Variants in WDHD1 observed in about 807,000 individuals in gnomAD.
WDHD1 encodes the protein WD repeat and HMG-box DNA binding protein 1.
WDHD1 carries 111 observed loss-of-function variants against 135.4 expected under a neutral mutation model. The ratio of observed to expected loss-of-function variants is 0.82; its 90% CI spans 0.70 to 0.96. WDHD1 has a LOEUF of 0.96. Ranked by LOEUF, WDHD1 falls within the 40% of genes least tolerant of loss-of-function variation. The pLI is 0.00. For missense variants in WDHD1, 1,351 were observed against 1,336.3 expected (o/e 1.01, Z -0.17); for synonymous variants, 434 against 439.0 (o/e 0.99, Z 0.14).
chr14:55,027,086 T>C lies in WDHD1; in HGVS notation c.-75A>G, dbSNP rs1042123743. ...CAAGAGCTGCTTCCCGCGCTTCGGC[T>C]CGCTCACCACACTGCGCCTGCGCCG... On this transcript the variant is annotated 5_prime_UTR_variant, in exon 1 of 26. Transcript: ENST00000360586. 8 of 388,924 alleles carry C rather than the reference T, an allele frequency of 2.1e-5. No homozygotes were observed. In the Admixed American group the frequency reaches 2.5e-4, roughly 12 times the overall value. 24.1% of individuals were successfully genotyped at this position (388,924 alleles called of 1,614,324 possible).
At chr14:54,945,027 G>A (rs1595051369) in intron 24 of WDHD1, among the ~76,000 whole-genome samples, 1 of 152,172 alleles carries the variant, frequency 6.6e-6, no homozygotes. Context: ...CATGAACTCT[G>A]TACTTTCAAC....
intron 16 of WDHD1, among the ~76,000 whole-genome samples, chr14:54,978,359 G>A (rs1057424532): frequency 6.6e-6 from 1 of 152,198 alleles, no homozygotes; most frequent in East Asian, 1.9e-4. Context: ...GATGCAAGAG[G>A]ATCAGTTGAG....
chr14:55,012,537 A>C (rs1354104767), intron 3 of WDHD1, among the ~76,000 whole-genome samples: 1 of 152,198 alleles, frequency 6.6e-6, no homozygotes, highest in East Asian at 1.9e-4. Flanking sequence ...TTCTAGAACA[A>C]TTCCTTAAGT....
At chr14:54,945,377 A>G (rs1566701768) in intron 24 of WDHD1, among the ~76,000 whole-genome samples, 1 of 152,230 alleles carries the variant, frequency 6.6e-6, no homozygotes, top group Admixed American at 6.5e-5. Flanking sequence ...CTTTATGTAT[A>G]GTACCTCATT....
Position 54,991,227 on chromosome 14 carries a change from T to G in WDHD1, c.1327A>C (p.Thr443Pro). The G allele has an allele frequency of 1.5e-4, 216 of 1,404,306 alleles. No homozygotes were observed. Among genetic ancestry groups the G allele is most frequent in the Non-Finnish European group, 1.9e-4 (203 of 1,058,592 alleles). 87.0% of individuals were successfully genotyped at this position (1,404,306 alleles called of 1,614,324 possible). A position where few individuals can be genotyped will look rare whatever the true frequency, so the allele number is the denominator to read the frequency against. ...FQSGSTPLHL[T>P]HRFMVWNSIG... ...CCAAGTCTTACCATGAATCTGTGAGTGAGATGCAACGGTGTAGAACCTGAC... is the reference window on the plus strand; with the variant it reads ...CCAAGTCTTACCATGAATCTGTGAGGGAGATGCAACGGTGTAGAACCTGAC... Residue 443 changes from threonine to proline, a missense_variant, in exon 12 of 26, where the codon ACT becomes CCT. This residue lies in a region of WDHD1 where 1,330 missense variants were observed against 1,296.1 expected (regional missense o/e 1.03). Coordinates refer to ENST00000360586, the MANE Select transcript of WDHD1 (RefSeq NM_007086.4).
chr14:55,019,386 T>C (rs112035792), intron 2 of WDHD1, among the ~76,000 whole-genome samples: 2 of 152,342 alleles, frequency 1.3e-5, no homozygotes, highest in African/African-American at 4.8e-5. Flanking sequence ...TTTTCAAAAC[T>C]ATTGGCATAA....
intron 11 of WDHD1, among the ~76,000 whole-genome samples, chr14:54,994,471 G>A (rs1194538438): frequency 6.6e-6 from 1 of 151,958 alleles, no homozygotes; most frequent in Admixed American, 6.6e-5. Context: ...ATAATATAGT[G>A]CATTTAAAAT....
At chr14:55,006,265 C>T (rs543931559) in intron 7 of WDHD1, among the ~76,000 whole-genome samples, 1 of 152,268 alleles carries the variant, frequency 6.6e-6, no homozygotes, top group African/African-American at 2.4e-5. Context: ...ATATATGTTT[C>T]TATTTATCCA....
At chr14:55,003,461 A>C (rs1034641896) in intron 7 of WDHD1, among the ~76,000 whole-genome samples, 2 of 151,896 alleles carry the variant, frequency 1.3e-5, no homozygotes, top group African/African-American at 2.4e-5. Flanking sequence ...GTTGCAGTGA[A>C]TCGTGATCAT....
At position 54,963,043 on chromosome 14, in the gene WDHD1, C is replaced by T. The variant is rs753345230; in HGVS notation, c.2440G>A (p.Glu814Lys). The T allele has an allele frequency of 5.1e-5, 83 of 1,613,842 alleles. No homozygotes were observed. The highest frequency in any genetic ancestry group is 6.5e-5 in the Non-Finnish European group (77 of 1,180,022). Residue 814 changes from glutamate (E) to lysine (K), a missense_variant, in exon 19 of 26, where the codon GAA (glutamate) becomes AAA (lysine). By Grantham distance (56) the Glu-to-Lys change is moderately conservative. Around this residue, in one of 2 missense-constraint regions of WDHD1, gnomAD observed 1,330 missense variants for 1,296.1 expected, o/e 1.03. Coordinates refer to ENST00000360586, the MANE Select transcript of WDHD1 (RefSeq NM_007086.4). ...RKLILAQKLSELAVEKAAELT... is the reference protein window; with the variant it reads ...RKLILAQKLSKLAVEKAAELT... ...TCGGCTGCCTTCTCTACAGCCAGTT[C>T]ACTTAGTTTTTGAGCCAGTATTAAT...
intron 16 of WDHD1, among the ~76,000 whole-genome samples, chr14:54,980,954 C>CA (rs1421896735): frequency 1.3e-5 from 2 of 151,678 alleles, no homozygotes; most frequent in Admixed American, 6.6e-5. Flanking sequence ...ACTAAAAATA[C>CA]AAAAAAATCA....
At chr14:54,944,991 C>T (rs768312915) in intron 24 of WDHD1, among the ~76,000 whole-genome samples, 18 of 152,180 alleles carry the variant, frequency 1.2e-4, no homozygotes, top group Non-Finnish European at 2.1e-4. Context: ...GGATCACTCA[C>T]GTTTGTATTT....
At chr14:54,959,049 C>T (rs2041205991) in intron 21 of WDHD1, among the ~76,000 whole-genome samples, 1 of 152,122 alleles carries the variant, frequency 6.6e-6, no homozygotes, top group African/African-American at 2.4e-5. Flanking sequence ...CACTCAAGTA[C>T]TCAAGCCAGT....
intron 8 of WDHD1, 21 bp downstream of exon 8, chr14:55,002,072 G>A: frequency 1.3e-6 from 2 of 1,544,040 alleles, no homozygotes; most frequent in Non-Finnish European, 1.8e-6. Flanking sequence ...CCCACTGAAA[G>A]TGTCACTTTG....
intron 24 of WDHD1, 50 bp from the exon 25 acceptor site, chr14:54,944,520 A>C: frequency 6.7e-7 from 1 of 1,502,724 alleles, no homozygotes. Context: ...CAGAGTTTAA[A>C]GTGCCTCATG....
At chr14:55,013,444 C>T (rs755705654) in intron 3 of WDHD1, 41 bp downstream of exon 3, 1 of 1,329,550 alleles carries the variant, frequency 7.5e-7, no homozygotes, top group South Asian at 1.2e-5. Context: ...AATCACATGC[C>T]AGTATCATTT....
intron 23 of WDHD1, among the ~76,000 whole-genome samples, chr14:54,955,895 C>CGTTT (rs1281053966): frequency 2.7e-5 from 3 of 110,096 alleles, no homozygotes; most frequent in Non-Finnish European, 3.6e-5. Context: ...CCATGTTTTC[C>CGTTT]TTTTTTTTTT....
At chr14:54,982,437 T>A (rs1003269205) in intron 15 of WDHD1, among the ~76,000 whole-genome samples, 5 of 152,330 alleles carry the variant, frequency 3.3e-5, no homozygotes, top group Middle Eastern at 6.8e-3. Flanking sequence ...TCTTTAGTAC[T>A]CTTCTTCCTC....
chr14:54,940,897 T>G lies in WDHD1; in HGVS notation c.*593A>C, dbSNP rs535546141. The stretch of plus-strand genomic sequence containing the variant: ...GACCATATCAAGCCAAATATACAAA[T>G]GAGAAAGTTTCATTTACCTCAAAAA... On this transcript the variant is annotated 3_prime_UTR_variant, in exon 26 of 26. Coordinates refer to ENST00000360586, the MANE Select transcript of WDHD1 (RefSeq NM_007086.4). The G allele has an allele frequency of 6.6e-6, 1 of 152,120 alleles. No individual in the cohort carries two copies. The highest frequency in any genetic ancestry group is 2.1e-4 in the South Asian group (1 of 4,826). The allele number at this position is 152,120 out of a possible 1,614,324, so 9.4% of individuals were successfully genotyped here. A position where few individuals can be genotyped will look rare whatever the true frequency, so the allele number is the denominator to read the frequency against.
Sources: allele counts gnomAD v4.1 joint callset (sites outside exome capture counted in the v4.1 genomes callset), GRCh38; gene constraint gnomAD v4.1.1; regional missense constraint gnomAD v4.1.1; transcripts MANE v1.5; gene names NCBI Gene and HGNC (gene_info 2026-07-23, HGNC 2026-07-21).